The following ANKRD17 variants were observed in gnomAD, a reference collection of about 807,000 sequenced individuals.
ANKRD17 encodes ankyrin repeat domain-containing protein 17.
ANKRD17 carries 19 observed loss-of-function variants against 229.7 expected under a neutral mutation model. The observed-to-expected ratio is 0.08, with a 90% CI of 0.06 to 0.12. The LOEUF (loss-of-function observed/expected upper bound fraction) is 0.12, where lower values mean the gene tolerates loss of function less well. Ranked by LOEUF, ANKRD17 falls within the 10% of genes least tolerant of loss-of-function variation. The pLI is 1.00. For missense variants in ANKRD17, 2,176 were observed against 3,176.8 expected, an observed-to-expected ratio of 0.68 and a Z score of 7.57; for synonymous variants, 1,112 against 1,146.1, an observed-to-expected ratio of 0.97 and a Z score of 0.60.
At chr4:73,195,296 T>G (rs1737702286) in intron 1 of ANKRD17, among the ~76,000 whole-genome samples, 1 of 152,224 alleles carries the variant, frequency 6.6e-6, no homozygotes, top group African/African-American at 2.4e-5. Context: ...TTTATCTATG[T>G]TCATGATATA....
chr4:73,193,952 C>A (rs185421785), intron 1 of ANKRD17, among the ~76,000 whole-genome samples: 2 of 152,168 alleles, frequency 1.3e-5, no homozygotes, highest in East Asian at 3.9e-4. Context: ...ACAAAAAAAT[C>A]ATCTTTTTAT....
chr4:73,083,918 A>T (rs1721822284), intron 30 of ANKRD17, among the ~76,000 whole-genome samples: 1 of 151,884 alleles, frequency 6.6e-6, no homozygotes, highest in African/African-American at 2.4e-5. Context: ...TAGTTAGAAG[A>T]AATTTGATAG....
In ANKRD17 at chr4:73,109,915, T is replaced by C. The variant is rs185443702; in HGVS notation, c.4401+3877A>G. ...TCTAGAGGGAGTAAAGTTGAAAAGATAGAAAGCAATAATCAGAGAATGAAA... is the reference window on the plus strand; with the variant it reads ...TCTAGAGGGAGTAAAGTTGAAAAGACAGAAAGCAATAATCAGAGAATGAAA... On this transcript the variant is annotated intron_variant, in intron 24 of 33. Coordinates refer to ENST00000358602, the MANE Select transcript of ANKRD17 (RefSeq NM_032217.5). Among the ~76,000 whole-genome samples, 711 of 140,974 alleles carry C rather than the reference T, an allele frequency of 5.0e-3. 3 individuals carry two copies. Among genetic ancestry groups the C allele is most frequent in the Non-Finnish European group, 6.0e-3 (400 of 66,658 alleles). The allele number at this position is 140,974 out of a possible 152,430, so 92.5% of individuals were successfully genotyped here.
intron 1 of ANKRD17, among the ~76,000 whole-genome samples, chr4:73,226,935 T>C (rs1742573468): frequency 6.6e-6 from 1 of 152,148 alleles, no homozygotes. Context: ...AAATAAGATA[T>C]TAGAAGTATT....
chr4:73,225,938 A>G (rs1236069381), intron 1 of ANKRD17, among the ~76,000 whole-genome samples: 2 of 148,952 alleles, frequency 1.3e-5, no homozygotes, highest in African/African-American at 4.9e-5. Flanking sequence ...ATGCATACCT[A>G]GAGCCAGCAC....
At chr4:73,115,672 A>G in intron 23 of ANKRD17, 149 bp downstream of exon 23, 1 of 543,550 alleles carries the variant, frequency 1.8e-6, no homozygotes, top group Non-Finnish European at 3.3e-6. Flanking sequence ...AATCTGCAAG[A>G]ATCTCTTAAA....
intron 1 of ANKRD17, among the ~76,000 whole-genome samples, chr4:73,253,270 A>G (rs1003829436): frequency 6.6e-6 from 1 of 152,188 alleles, no homozygotes; most frequent in Non-Finnish European, 1.5e-5. Context: ...CACCTCCCCA[A>G]ACTTATAATA....
chr4:73,083,972 C>T (rs1437662979), intron 30 of ANKRD17, among the ~76,000 whole-genome samples: 1 of 149,954 alleles, frequency 6.7e-6, no homozygotes, highest in Non-Finnish European at 1.5e-5. Flanking sequence ...CGAAGTCTTA[C>T]TATAACTTCC....
intron 7 of ANKRD17, among the ~76,000 whole-genome samples, chr4:73,149,451 T>C (rs1160987812): frequency 2.6e-5 from 4 of 152,130 alleles, no homozygotes; most frequent in African/African-American, 9.7e-5. Flanking sequence ...AGCAAACTTT[T>C]GATTAGTTAG....
intron 2 of ANKRD17, 26 bp downstream of exon 2, chr4:73,177,354 G>C (rs771074102): frequency 6.8e-7 from 1 of 1,477,014 alleles, no homozygotes; most frequent in Non-Finnish European, 9.1e-7. Flanking sequence ...TAACAAGGTA[G>C]ACTTATTACT....
chr4:73,135,164 G>A lies in ANKRD17; in HGVS notation c.3187C>T (p.Pro1063Ser). The A allele has an allele frequency of 1.9e-6, 3 of 1,613,862 alleles. No homozygotes were observed. Among genetic ancestry groups the A allele is most frequent in the South Asian group, 1.1e-5 (1 of 91,058 alleles). ...QTPTPSPIIS[P>S]SAMLPIYPAI... Reference sequence around the variant, plus strand: ...GGGTAGATAGGAAGCATGGCTGAAGGAGAGATGATAGGACTTGGAGTTGGA... The same window carrying A: ...GGGTAGATAGGAAGCATGGCTGAAGAAGAGATGATAGGACTTGGAGTTGGA... The change falls in exon 16 of 34, where the codon CCT becomes TCT. Residue 1063 changes from proline to serine, a missense_variant. Physicochemically the swap from Pro to Ser is moderately conservative, Grantham distance 74 (BLOSUM62 -1). Coordinates refer to ENST00000358602, the MANE Select transcript of ANKRD17 (RefSeq NM_032217.5).
chr4:73,098,898 G>T (rs552096737), intron 25 of ANKRD17: 13 of 1,179,788 alleles, frequency 1.1e-5, no homozygotes, highest in Non-Finnish European at 1.5e-5. Flanking sequence ...AAGCGGGGCC[G>T]GGGCAGGCCC....
chr4:73,178,982 C>T (rs369103267), intron 1 of ANKRD17, among the ~76,000 whole-genome samples: 2 of 151,872 alleles, frequency 1.3e-5, no homozygotes, highest in East Asian at 1.9e-4. Context: ...AACTAATAAG[C>T]TAGAATACAA....
intron 16 of ANKRD17, among the ~76,000 whole-genome samples, chr4:73,134,769 A>G (rs1436291161): frequency 1.3e-5 from 2 of 152,222 alleles, no homozygotes; most frequent in East Asian, 3.9e-4. Context: ...TTTTTCTTTT[A>G]CATGCAATCC....
intron 28 of ANKRD17, 110 bp downstream of exon 28, chr4:73,093,966 TTTA>T: frequency 9.8e-7 from 1 of 1,018,410 alleles, no homozygotes; most frequent in South Asian, 2.2e-5. Context: ...AAATTCCCAT[TTTA>T]AAAAGTATAC....
In ANKRD17 at chr4:73,089,660, G is replaced by A. The variant is rs190266706; in HGVS notation, c.6961+1007C>T. ...TAAGATGGTCACATGAAGGGAAGCTGAGGAATTATAGAATTCTTCTATAAA... is the reference window on the plus strand; with the variant it reads ...TAAGATGGTCACATGAAGGGAAGCTAAGGAATTATAGAATTCTTCTATAAA... On this transcript the variant is annotated intron_variant, in intron 29 of 33. Transcript: ENST00000358602. Among the ~76,000 whole-genome samples the A allele has an allele frequency of 5.7e-4, 87 of 152,258 alleles. No homozygotes were observed. The East Asian group carries it at 9.4e-3, about 17-fold the overall frequency.
chr4:73,257,404 C>G (rs1745546146), intron 1 of ANKRD17, among the ~76,000 whole-genome samples: 1 of 152,174 alleles, frequency 6.6e-6, no homozygotes, highest in African/African-American at 2.4e-5. Flanking sequence ...ATCACTAGGA[C>G]AAACCGAGAG....
In ANKRD17 at chr4:73,124,288, G is replaced by GAAAAAAAA. The variant is rs59284237; in HGVS notation, c.3492+617_3492+624dup. ...ATCCCCTGTACAAAGGACTGAATTT[G>GAAAAAAAA]AAAAAAAAAAAAAGGTTATCTAGCT... On this transcript the variant is annotated intron_variant, in intron 18 of 33. Transcript: ENST00000358602. Among the ~76,000 whole-genome samples, 92 of 96,220 alleles carry GAAAAAAAA rather than the reference G, an allele frequency of 9.6e-4. 5 individuals are homozygous for GAAAAAAAA. Among genetic ancestry groups the GAAAAAAAA allele is most frequent in the African/African-American group, 3.9e-3 (84 of 21,770 alleles). 63.1% of individuals were successfully genotyped at this position (96,220 alleles called of 152,430 possible). A position where few individuals can be genotyped will look rare whatever the true frequency, so the allele number is the denominator to read the frequency against.
intron 1 of ANKRD17, among the ~76,000 whole-genome samples, chr4:73,202,181 T>G (rs1320708282): frequency 6.6e-6 from 1 of 151,984 alleles, no homozygotes; most frequent in Non-Finnish European, 1.5e-5. Context: ...TTGGAAAGAC[T>G]TCCCACCTCT....
Sources: gnomAD v4.1 joint callset for allele counts (sites outside exome capture counted in the v4.1 genomes callset) on GRCh38, gnomAD v4.1.1 for gene constraint, MANE v1.5 for transcripts, NCBI Gene and HGNC (gene_info 2026-07-23, HGNC 2026-07-21) for gene names.